DDX17: variants seen among roughly 807,000 people sequenced by gnomAD.
DDX17 encodes the protein DEAD-box helicase 17, also known as probable ATP-dependent RNA helicase DDX17.
Under a neutral mutation model 80.8 loss-of-function variants are expected in DDX17, and 10 were observed. The observed-to-expected ratio is 0.12, with a 90% CI of 0.08 to 0.21. The LOEUF is 0.21. DDX17 is among the 10% of genes least tolerant of loss of function. The probability of loss-of-function intolerance (pLI) is 1.00; values close to 1 mark genes in which losing one functional copy is unlikely to be tolerated. For missense variants in DDX17, 586 were observed against 957.4 expected (o/e 0.61, Z 5.12); for synonymous variants, 339 against 336.2 (o/e 1.01, Z -0.09).
In DDX17 at chr22:38,506,198, G is replaced by A. The variant is rs373113760; in HGVS notation, c.40C>T (p.Leu14Phe). The A allele has an allele frequency of 6.3e-5, 102 of 1,606,538 alleles. No homozygotes were observed. The highest frequency in any genetic ancestry group is 8.3e-5 in the Non-Finnish European group (98 of 1,177,172). ...GCCGCCTCTCTCGTCGGAGACGGGAGCAAAACACAGAGAATCGGGGCTACA... is the reference window on the plus strand; with the variant it reads ...GCCGCCTCTCTCGTCGGAGACGGGAACAAAACACAGAGAATCGGGGCTACA... The change falls in exon 1 of 13, where the codon CTC becomes TTC. Residue 14 changes from leucine (L) to phenylalanine (F), a missense_variant. Transcript: ENST00000403230.
At chr22:38,504,857 C>A (rs1362152125) in intron 1 of DDX17, among the ~76,000 whole-genome samples, 1 of 151,708 alleles carries the variant, frequency 6.6e-6, no homozygotes, top group Non-Finnish European at 1.5e-5. Flanking sequence ...AAGGTAGGAT[C>A]TTGACCAAGG....
intron 11 of DDX17, chr22:38,490,838 C>A: frequency 5.6e-6 from 1 of 178,564 alleles, no homozygotes. Flanking sequence ...GGTACCTTCC[C>A]TCTCCCCTCA....
Position 38,486,210 on chromosome 22 carries a change from T to A in DDX17, c.1915A>T (p.Thr639Ser). 1.2e-6 allele frequency: 2 copies of A among 1,613,964 alleles called. No homozygotes were observed. The highest frequency in any genetic ancestry group is 1.7e-6 in the Non-Finnish European group (2 of 1,179,846). The change falls in exon 13 of 13, where the codon ACC becomes TCC. Residue 639 changes from threonine (T) to serine (S), a missense_variant. Thr to Ser is a moderately conservative substitution (Grantham distance 58). Transcript: ENST00000403230. ...GTGCCATAAGCAGCTGCCCCATAGG[T>A]GCCTTGACCATAGGTGTATTGGCCT...
rs1444969759 is a variant in DDX17, at chr22:38,485,866, A to T, written c.*69T>A. ...AAAAAAAAGAAAAGGCGAAGAGGAA[A>T]AAAAAAGGAAAGACAGTGTTCCTTA... is the stretch of plus-strand genomic sequence containing the variant. On this transcript the variant is annotated 3_prime_UTR_variant, in exon 13 of 13. Transcript: ENST00000403230. 1 of 1,510,146 alleles carries T rather than the reference A, an allele frequency of 6.6e-7. No homozygotes were observed. Among genetic ancestry groups the T allele is most frequent in the South Asian group, 1.3e-5 (1 of 75,816 alleles). The allele number at this position is 1,510,146 out of a possible 1,614,324, so 93.5% of individuals were successfully genotyped here. A position where few individuals can be genotyped will look rare whatever the true frequency, so the allele number is the denominator to read the frequency against.
chr22:38,488,557 C>T (rs1243992426), intron 11 of DDX17: 1 of 997,140 alleles, frequency 1.0e-6, no homozygotes, highest in Admixed American at 5.5e-5. Context: ...GCAAAATCTA[C>T]CAACAACATA....
intron 1 of DDX17, among the ~76,000 whole-genome samples, chr22:38,504,062 C>T (rs2089856442): frequency 6.6e-6 from 1 of 152,112 alleles, no homozygotes; most frequent in Admixed American, 6.5e-5. Context: ...AACCAAACAC[C>T]AATGGTAAAG....
Position 38,486,263 on chromosome 22 carries a change from C to T in DDX17, c.1862G>A (p.Ser621Asn). The T allele has an allele frequency of 1.2e-6, 2 of 1,614,178 alleles. No individual in the cohort carries two copies. The highest frequency in any genetic ancestry group is 2.2e-5 in the East Asian group (1 of 44,886). ...TTGTGCTCCAAAGGCAGAATTTGGA[C>T]TTCCATAGCCACTGCCATTAGCATA... Residue 621 changes from serine (S) to asparagine (N), a missense_variant, in exon 13 of 13, where the codon AGT becomes AAT. By Grantham distance (46) the Ser-to-Asn change is conservative. Coordinates refer to ENST00000403230, the MANE Select transcript of DDX17 (RefSeq NM_006386.5).
intron 2 of DDX17, 61 bp downstream of exon 2, chr22:38,501,069 T>G (rs1197175027): frequency 2.4e-5 from 38 of 1,564,402 alleles, no homozygotes; most frequent in Middle Eastern, 1.7e-4. Context: ...ATGAATAAAC[T>G]CTAACCAATA....
intron 12 of DDX17, 106 bp downstream of exon 12, chr22:38,487,773 A>T (rs1204962795): frequency 3.5e-6 from 4 of 1,158,706 alleles, no homozygotes; most frequent in Non-Finnish European, 5.1e-6. Context: ...TTTGCTATTA[A>T]GCAACATACT....
intron 1 of DDX17, among the ~76,000 whole-genome samples, chr22:38,502,768 A>T (rs1366434899): frequency 6.6e-6 from 1 of 152,148 alleles, no homozygotes; most frequent in Non-Finnish European, 1.5e-5. Context: ...TGGCATACAA[A>T]CTGTATAGCA....
Position 38,489,058 on chromosome 22 carries a change from T to C in DDX17, c.1448-943A>G, listed in dbSNP as rs978817894. The stretch of plus-strand genomic sequence containing the variant: ...TGTTAGTGTAATGCTTTCAGCTGAA[T>C]GTATATTTTTACCTACTTAAACAAA... On this transcript the variant is annotated intron_variant, in intron 11 of 12. Transcript: ENST00000403230. The surrounding 1 kb of genome is among the most constrained non-coding windows in gnomAD (Gnocchi z 4.6). 1.0e-5 allele frequency: 10 copies of C among 984,436 alleles called. No homozygotes were observed. The highest frequency in any genetic ancestry group is 1.2e-5 in the Non-Finnish European group (10 of 829,080). 61.0% of individuals were successfully genotyped at this position (984,436 alleles called of 1,614,324 possible).
At chr22:38,496,286 C>T (rs1157818914) in intron 5 of DDX17, among the ~76,000 whole-genome samples, 1 of 152,064 alleles carries the variant, frequency 6.6e-6, no homozygotes, top group Non-Finnish European at 1.5e-5. Context: ...CATCCTAAAC[C>T]CCCAAAACCA....
rs557772032 is a variant in DDX17 at position 38,505,896 on chromosome 22, A to G, written c.287+55T>C. ...GCTCGCAGTCCGCCGGGCCTCCCCA[A>G]GAAGCAACTCCCCCACCCCCACGCC... is the stretch of plus-strand genomic sequence containing the variant. On this transcript the variant is annotated intron_variant, in intron 1 of 12. Coordinates refer to ENST00000403230, the MANE Select transcript of DDX17 (RefSeq NM_006386.5). The G allele has an allele frequency of 7.2e-4, 1,097 of 1,527,358 alleles. 16 individuals are homozygous for G. In the South Asian group the frequency reaches 9.6e-3, roughly 13 times the overall value. The allele number at this position is 1,527,358 out of a possible 1,614,324, so 94.6% of individuals were successfully genotyped here.
chr22:38,485,991 G>A lies in DDX17; in HGVS notation c.2134C>T (p.Gln712Ter). Reference sequence around the variant, plus strand: ...GGAGGAGGGTATTGGTAGGCAGTCTGCCCCATGTAACCTATCATATTGGTA... The same window carrying A: ...GGAGGAGGGTATTGGTAGGCAGTCTACCCCATGTAACCTATCATATTGGTA... The change falls in exon 13 of 13, where the codon CAG (glutamine) becomes TAG (stop). Residue 712 changes from glutamine (Q) to a stop codon, truncating the protein, a stop_gained. Transcript: ENST00000403230. LOFTEE classifies it high-confidence loss of function. 1 of 1,614,010 alleles carries A rather than the reference G, an allele frequency of 6.2e-7. No homozygotes were observed. Among genetic ancestry groups the A allele is most frequent in the Non-Finnish European group, 8.5e-7 (1 of 1,179,994 alleles).
Position 38,485,790 on chromosome 22 carries a change from C to T in DDX17, c.*145G>A. 1 of 1,158,274 alleles carries T rather than the reference C, an allele frequency of 8.6e-7. No individual in the cohort carries two copies. The highest frequency in any genetic ancestry group is 2.5e-5 in the African/African-American group (1 of 39,644). 71.7% of individuals were successfully genotyped at this position (1,158,274 alleles called of 1,614,324 possible). On this transcript the variant is annotated 3_prime_UTR_variant, in exon 13 of 13. Transcript: ENST00000403230. ...ATTCTAACTAATCTGCATGAAAAGACAAATCACGATGGTTGGGGGGAAAAA... is the reference window on the plus strand; with the variant it reads ...ATTCTAACTAATCTGCATGAAAAGATAAATCACGATGGTTGGGGGGAAAAA...
intron 1 of DDX17, 112 bp downstream of exon 1, chr22:38,505,839 C>T (rs911273098): frequency 7.3e-7 from 1 of 1,364,220 alleles, no homozygotes; most frequent in Non-Finnish European, 9.9e-7. Context: ...GTCGCCTCCC[C>T]TCGCCTCCCG....
rs1391201328 is a variant in DDX17, at chr22:38,494,059, T to C, written c.1287A>G (p.Arg429=). ...TCCTTCGAGTCAGATCATCACAGCG[T>C]CTCTTTGTCTCCACAAATATTATTG... Residue 429 remains arginine (R), a synonymous_variant, in exon 9 of 13, where the codon AGA becomes AGG. Coordinates refer to ENST00000403230, the MANE Select transcript of DDX17 (RefSeq NM_006386.5). 6.2e-7 allele frequency: 1 copy of C among 1,614,130 alleles called. No individual in the cohort carries two copies.
rs541225393 is a variant in DDX17 at position 38,506,069 on chromosome 22, G to A, written c.169C>T (p.Pro57Ser). 1.3e-6 allele frequency: 2 copies of A among 1,584,780 alleles called. No individual in the cohort carries two copies. Among genetic ancestry groups the A allele is most frequent in the East Asian group, 2.3e-5 (1 of 43,536 alleles). The change falls in exon 1 of 13, where the codon CCG (proline) becomes TCG (serine). Residue 57 changes from proline (P) to serine (S), a missense_variant. Around this residue, in one of 4 missense-constraint regions of DDX17, gnomAD observed 215 missense variants for 238.4 expected, o/e 0.90. Coordinates refer to ENST00000403230, the MANE Select transcript of DDX17 (RefSeq NM_006386.5). ...GGGCTCGGGAGGGCCTGCGGCTCCG[G>A]TCTGGTGACGACCGATGGCGGCGGC...
intron 11 of DDX17, chr22:38,488,370 C>T (rs1281683706): frequency 1.5e-6 from 2 of 1,360,062 alleles, no homozygotes; most frequent in Non-Finnish European, 1.9e-6. Flanking sequence ...CCCATCCAAA[C>T]ATCCAAACTC....
Sources: gnomAD v4.1 joint callset for allele counts (sites outside exome capture counted in the v4.1 genomes callset) on GRCh38, gnomAD v4.1.1 for gene constraint, gnomAD v4.1.1 regional missense constraint, Gnocchi (gnomAD v3.1) non-coding constraint, MANE v1.5 for transcripts, NCBI Gene and HGNC (gene_info 2026-07-23, HGNC 2026-07-21) for gene names.